The following MSI2 variants were observed in gnomAD, a reference collection of about 807,000 sequenced individuals.
The protein encoded by MSI2 is musashi RNA binding protein 2, also known as RNA-binding protein Musashi homolog 2.
Under a neutral mutation model 45.6 loss-of-function variants are expected in MSI2, and 17 were observed. The ratio of observed to expected loss-of-function variants is 0.37; its 90% CI spans 0.26 to 0.56. The LOEUF is 0.56. MSI2 is among the 20% of genes least tolerant of loss of function. The pLI, the probability that MSI2 is intolerant of heterozygous loss-of-function variation, is 0.77. For missense variants in MSI2, 293 were observed against 444.2 expected (o/e 0.66, Z 3.06); for synonymous variants, 156 against 158.2 (o/e 0.99, Z 0.11).
At chr17:57,586,884 A>G (rs1218329261) in intron 7 of MSI2, among the ~76,000 whole-genome samples, 1 of 152,088 alleles carries the variant, frequency 6.6e-6, no homozygotes, top group African/African-American at 2.4e-5. Context: ...ACTTCATGTA[A>G]GAGAGTTCCT....
At chr17:57,277,562 A>G (rs1381748907) in intron 5 of MSI2, among the ~76,000 whole-genome samples, 2 of 152,206 alleles carry the variant, frequency 1.3e-5, no homozygotes, top group Non-Finnish European at 2.9e-5. Flanking sequence ...GAATGAAGGC[A>G]TGTGGTGGGA....
At chr17:57,329,325 A>T (rs1015615310) in intron 5 of MSI2, among the ~76,000 whole-genome samples, 3 of 152,224 alleles carry the variant, frequency 2.0e-5, no homozygotes, top group African/African-American at 7.2e-5. Flanking sequence ...CAAGTAAATA[A>T]TTTTTTTAAA....
At chr17:57,455,545 T>C (rs1679545279) in intron 6 of MSI2, among the ~76,000 whole-genome samples, 1 of 152,088 alleles carries the variant, frequency 6.6e-6, no homozygotes, top group Non-Finnish European at 1.5e-5. Context: ...TAAAAAGAGA[T>C]CGTCTTTAAA....
At chr17:57,453,846 G>A (rs1360724494) in intron 6 of MSI2, among the ~76,000 whole-genome samples, 1 of 152,182 alleles carries the variant, frequency 6.6e-6, no homozygotes, top group Non-Finnish European at 1.5e-5. Flanking sequence ...TACAGGTGAG[G>A]GATTGGGCTA....
chr17:57,414,562 T>A (rs1024444782), intron 6 of MSI2, among the ~76,000 whole-genome samples: 2 of 152,086 alleles, frequency 1.3e-5, no homozygotes, highest in African/African-American at 4.8e-5. Flanking sequence ...GCTAATTTTT[T>A]GTATTTTTTG....
chr17:57,409,778 G>A (rs2143178202), intron 6 of MSI2, among the ~76,000 whole-genome samples: 1 of 152,244 alleles, frequency 6.6e-6, no homozygotes, highest in Non-Finnish European at 1.5e-5. Flanking sequence ...GGGGGCCAAG[G>A]CGGGCGAATC....
chr17:57,603,878 G>C (rs151151786), intron 8 of MSI2, among the ~76,000 whole-genome samples: 1 of 152,362 alleles, frequency 6.6e-6, no homozygotes, highest in East Asian at 1.9e-4. Flanking sequence ...TCCAATGAAA[G>C]GCATTTAGCC....
At chr17:57,520,093 G>A (rs1396200222) in intron 6 of MSI2, among the ~76,000 whole-genome samples, 3 of 152,122 alleles carry the variant, frequency 2.0e-5, no homozygotes, top group Admixed American at 6.5e-5. Flanking sequence ...CCTGAAATGG[G>A]TATGATAGTA....
chr17:57,366,071 A>G lies in MSI2; in HGVS notation c.313-35308A>G, dbSNP rs192204056. Among the ~76,000 whole-genome samples, 497 of 152,170 alleles carry G rather than the reference A, an allele frequency of 3.3e-3. 2 individuals are homozygous for G. The highest frequency in any genetic ancestry group is 0.011 in the African/African-American group (476 of 41,510). ...TGGGACCACCGTTGTGTACCATGCCAGGCTATTTTCTTGTATTCTTAGTAG... is the reference window on the plus strand; with the variant it reads ...TGGGACCACCGTTGTGTACCATGCCGGGCTATTTTCTTGTATTCTTAGTAG... On this transcript the variant is annotated intron_variant, in intron 5 of 13. Coordinates refer to ENST00000284073, the MANE Select transcript of MSI2 (RefSeq NM_138962.4).
chr17:57,652,945 G>A lies in MSI2; in HGVS notation c.790+784G>A, dbSNP rs1911283009. ...TGCTTTCTGCCTTCCCAGGCAAGCA[G>A]GGCTTCTGCTGTGCCCTGGGCTCCC... On this transcript the variant is annotated intron_variant, in intron 11 of 13. Coordinates refer to ENST00000284073, the MANE Select transcript of MSI2 (RefSeq NM_138962.4). This position sits in a 1 kb window ranked among gnomAD's most constrained non-coding sequence, Gnocchi z 4.1. 6.6e-6 allele frequency among the ~76,000 whole-genome samples: 1 copy of A among 152,180 alleles called. No individual in the cohort carries two copies. Among genetic ancestry groups the A allele is most frequent in the Non-Finnish European group, 1.5e-5 (1 of 68,044 alleles).
intron 5 of MSI2, among the ~76,000 whole-genome samples, chr17:57,352,413 G>T (rs1457328295): frequency 1.3e-5 from 2 of 152,230 alleles, no homozygotes; most frequent in Non-Finnish European, 2.9e-5. Flanking sequence ...TTTTATAAAG[G>T]AAGTAGGGGA....
At chr17:57,293,595 G>GTTTTTTTTTTTTT (rs71139983) in intron 5 of MSI2, among the ~76,000 whole-genome samples, 386 of 134,160 alleles carry the variant, frequency 2.9e-3, no homozygotes, top group Non-Finnish European at 4.3e-3. Context: ...TTGTTTTTTT[G>GTTTTTTTTTTTTT]TTTTTTTTTT....
At chr17:57,503,809 A>T (rs2086167607) in intron 6 of MSI2, among the ~76,000 whole-genome samples, 1 of 152,330 alleles carries the variant, frequency 6.6e-6, no homozygotes, top group African/African-American at 2.4e-5. Flanking sequence ...CAGTCGCGCA[A>T]TCGCGGCTCA....
intron 11 of MSI2, among the ~76,000 whole-genome samples, chr17:57,661,054 A>C (rs562261493): frequency 6.6e-6 from 1 of 152,354 alleles, no homozygotes; most frequent in South Asian, 2.1e-4. Context: ...ATTCGTGTAC[A>C]TTGTAAACAC....
intron 7 of MSI2, among the ~76,000 whole-genome samples, chr17:57,582,500 A>G (rs1056700936): frequency 6.6e-6 from 1 of 152,184 alleles, no homozygotes; most frequent in African/African-American, 2.4e-5. Flanking sequence ...TCTTGATTTA[A>G]CACTTCATGA....
chr17:57,320,039 T>G (rs1351658580), intron 5 of MSI2, among the ~76,000 whole-genome samples: 1 of 152,196 alleles, frequency 6.6e-6, no homozygotes, highest in African/African-American at 2.4e-5. Flanking sequence ...CCCTTCCCTT[T>G]GCATCGTCTC....
At chr17:57,316,743 G>T (rs192341614) in intron 5 of MSI2, among the ~76,000 whole-genome samples, 2 of 152,092 alleles carry the variant, frequency 1.3e-5, no homozygotes, top group African/African-American at 4.8e-5. Context: ...TAATCTAATC[G>T]CATGGATATA....
chr17:57,682,870 G>A lies in MSI2; in HGVS notation c.*3353G>A, dbSNP rs530020371. The A allele has an allele frequency of 4.4e-6, 1 of 225,352 alleles. No homozygotes were observed. Among genetic ancestry groups the A allele is most frequent in the East Asian group, 6.4e-5 (1 of 15,692 alleles). The allele number at this position is 225,352 out of a possible 1,614,324, so 14.0% of individuals were successfully genotyped here. ...TCTCCTCCCAAGCAGAGGCGAGTGAGTGGCATTAGCTCCCGGACCCATTCC... is the reference window on the plus strand; with the variant it reads ...TCTCCTCCCAAGCAGAGGCGAGTGAATGGCATTAGCTCCCGGACCCATTCC... On this transcript the variant is annotated 3_prime_UTR_variant, in exon 14 of 14. Coordinates refer to ENST00000284073, the MANE Select transcript of MSI2 (RefSeq NM_138962.4).
At chr17:57,624,528 G>T (rs1481551757) in intron 9 of MSI2, among the ~76,000 whole-genome samples, 1 of 152,180 alleles carries the variant, frequency 6.6e-6, no homozygotes, top group Non-Finnish European at 1.5e-5. Flanking sequence ...CCGTCGGGTT[G>T]CTGAGCTCAA....
Sources: allele counts gnomAD v4.1 joint callset (sites outside exome capture counted in the v4.1 genomes callset), GRCh38; gene constraint gnomAD v4.1.1; non-coding constraint Gnocchi (gnomAD v3.1); transcripts MANE v1.5; gene names NCBI Gene and HGNC (gene_info 2026-07-23, HGNC 2026-07-21).